SMO: variants seen among roughly 807,000 people sequenced by gnomAD.
The protein encoded by SMO is protein smoothened.
SMO carries 40 observed loss-of-function variants against 81.6 expected under a neutral mutation model. The ratio of observed to expected loss-of-function variants is 0.49; its 90% CI spans 0.38 to 0.64. The LOEUF is 0.64. Ranked by LOEUF, SMO falls within the 30% of genes least tolerant of loss-of-function variation. The pLI, the probability that SMO is intolerant of heterozygous loss-of-function variation, is 0.00. For missense variants in SMO, 916 were observed against 1,061.1 expected, an observed-to-expected ratio of 0.86 and a Z score of 1.90; for synonymous variants, 434 against 432.1, an observed-to-expected ratio of 1.00 and a Z score of -0.05.
chr7:129,205,506 C>G, intron 3 of SMO, 94 bp downstream of exon 3: 1 of 1,524,864 alleles, frequency 6.6e-7, no homozygotes, highest in South Asian at 1.1e-5. Flanking sequence ...TGGTGGGGGT[C>G]CCCAGGGAAG....
intron 1 of SMO, among the ~76,000 whole-genome samples, chr7:129,190,062 T>C (rs1446186636): frequency 6.6e-6 from 1 of 152,188 alleles, no homozygotes; most frequent in African/African-American, 2.4e-5. Flanking sequence ...AGAACTGTGA[T>C]CTTGTCTGGC....
In SMO at chr7:129,205,599, C is replaced by G. The variant is rs1447893846; in HGVS notation, c.748-11C>G. The G allele has an allele frequency of 6.8e-6, 11 of 1,609,738 alleles. No homozygotes were observed. The highest frequency in any genetic ancestry group is 9.4e-6 in the Non-Finnish European group (11 of 1,176,340). The stretch of plus-strand genomic sequence containing the variant: ...CCTAACCTCACAGAATGGCCCACTT[C>G]TCTCTTCTAGGCCACATTCGTGGCT... On this transcript the variant is annotated splice_polypyrimidine_tract_variant and intron_variant, in intron 3 of 11. Transcript: ENST00000249373.
chr7:129,195,978 G>A (rs1793570913), intron 1 of SMO, among the ~76,000 whole-genome samples: 1 of 151,744 alleles, frequency 6.6e-6, no homozygotes, highest in Admixed American at 6.6e-5. Flanking sequence ...GTGGGCGCCT[G>A]TAGTCCCAGC....
Position 129,211,311 on chromosome 7 carries a change from C to A in SMO, c.1801+198C>A. On this transcript the variant is annotated intron_variant, in intron 10 of 11. Coordinates refer to ENST00000249373, the MANE Select transcript of SMO (RefSeq NM_005631.5). The surrounding 1 kb of genome is among the most constrained non-coding windows in gnomAD (Gnocchi z 4.6). ...GGGGCTCTCCCCTCTCTGTTTCTGC[C>A]CCTGGGTCTGCTTGCCGGTGCTTGG... The A allele has an allele frequency of 1.4e-6, 1 of 739,938 alleles. No individual in the cohort carries two copies. Among genetic ancestry groups the A allele is most frequent in the Non-Finnish European group, 2.4e-6 (1 of 420,486 alleles). 45.8% of individuals were successfully genotyped at this position (739,938 alleles called of 1,614,324 possible).
intron 1 of SMO, among the ~76,000 whole-genome samples, chr7:129,194,583 C>T (rs1434558491): frequency 1.3e-5 from 2 of 152,114 alleles, no homozygotes; most frequent in African/African-American, 4.8e-5. Context: ...TAATCACATC[C>T]TTTTTTTCTC....
rs2150656346 is a variant in SMO at position 129,212,062 on chromosome 7, G to T, written c.1975G>T (p.Ala659Ser). 6.3e-7 allele frequency: 1 copy of T among 1,588,728 alleles called. No homozygotes were observed. Among genetic ancestry groups the T allele is most frequent in the Admixed American group, 1.7e-5 (1 of 58,460 alleles). ...ACAAGCCAACCTGTGGCTGGTTGAG[G>T]CAGAGATCTCCCCAGAGCTGCAGAA... ...EEQANLWLVE[A>S]EISPELQKRL... Residue 659 changes from alanine to serine, a missense_variant, in exon 12 of 12, where the codon GCA becomes TCA. Transcript: ENST00000249373. This position sits in a 1 kb window ranked among gnomAD's most constrained non-coding sequence, Gnocchi z 5.0.
chr7:129,202,371 G>C (rs902734758), intron 1 of SMO, among the ~76,000 whole-genome samples: 3 of 152,094 alleles, frequency 2.0e-5, no homozygotes, highest in African/African-American at 7.2e-5. Flanking sequence ...GCCTTCCCCC[G>C]AAAAGAGTGG....
rs1563150856 is a variant in SMO at position 129,208,979 on chromosome 7, G to GGT, written c.1357+135_1357+136dup. On this transcript the variant is annotated intron_variant, in intron 7 of 11. Transcript: ENST00000249373. The surrounding 1 kb of genome is among the most constrained non-coding windows in gnomAD (Gnocchi z 5.2). The stretch of plus-strand genomic sequence containing the variant: ...GTTAGCCATAGGGACAAGGACAAGG[G>GGT]GTGTGTGTAGGTGGTAGTGGTAGTG... 3 of 673,428 alleles carry GGT rather than the reference G, an allele frequency of 4.5e-6. No homozygotes were observed. The highest frequency in any genetic ancestry group is 1.8e-5 in the African/African-American group (1 of 56,598). The allele number at this position is 673,428 out of a possible 1,614,324, so 41.7% of individuals were successfully genotyped here.
chr7:129,189,959 T>C lies in SMO; in HGVS notation c.331+477T>C, dbSNP rs1793458729. Among the ~76,000 whole-genome samples, 1 of 151,954 alleles carries C rather than the reference T, an allele frequency of 6.6e-6. No homozygotes were observed. The highest frequency in any genetic ancestry group is 6.6e-5 in the Admixed American group (1 of 15,248). On this transcript the variant is annotated intron_variant, in intron 1 of 11. Coordinates refer to ENST00000249373, the MANE Select transcript of SMO (RefSeq NM_005631.5). This position sits in a 1 kb window ranked among gnomAD's most constrained non-coding sequence, Gnocchi z 4.7. ...TAGGGGGACATGATCGAGTGAAGTT[T>C]TGAAGGAAAAGAAACCTCCCTAGTG... is the stretch of plus-strand genomic sequence containing the variant.
chr7:129,203,320 T>A (rs2150646328), intron 1 of SMO, 64 bp from the exon 2 acceptor site: 1 of 1,262,398 alleles, frequency 7.9e-7, no homozygotes, highest in South Asian at 1.4e-5. Flanking sequence ...AGGACAGGGG[T>A]GAAGCTGCGT....
chr7:129,188,967 G>T lies in SMO; in HGVS notation c.-185G>T. The T allele has an allele frequency of 2.5e-6, 1 of 405,636 alleles. No homozygotes were observed. The highest frequency in any genetic ancestry group is 4.1e-6 in the Non-Finnish European group (1 of 243,574). 25.1% of individuals were successfully genotyped at this position (405,636 alleles called of 1,614,324 possible). A position where few individuals can be genotyped will look rare whatever the true frequency, so the allele number is the denominator to read the frequency against. On this transcript the variant is annotated 5_prime_UTR_variant, in exon 1 of 12. Coordinates refer to ENST00000249373, the MANE Select transcript of SMO (RefSeq NM_005631.5). The surrounding 1 kb of genome is among the most constrained non-coding windows in gnomAD (Gnocchi z 4.9). ...CCCAACATGGGCCCCGGGTTCCAAA[G>T]TTTGCGAAGTTGGGCGCCGAGGGGC... is the stretch of plus-strand genomic sequence containing the variant.
rs1162797184 is a variant in SMO at position 129,209,269 on chromosome 7, C to T, written c.1358-20C>T. 6.7e-7 allele frequency: 1 copy of T among 1,481,944 alleles called. No homozygotes were observed. The highest frequency in any genetic ancestry group is 9.4e-7 in the Non-Finnish European group (1 of 1,059,556). The allele number at this position is 1,481,944 out of a possible 1,614,324, so 91.8% of individuals were successfully genotyped here. A position where few individuals can be genotyped will look rare whatever the true frequency, so the allele number is the denominator to read the frequency against. Reference sequence around the variant, plus strand: ...GGGACTGGGCTTGGTAACGTCCTGTCCTGCCCCTGTCCTCCACAGGCATTT... The same window carrying T: ...GGGACTGGGCTTGGTAACGTCCTGTTCTGCCCCTGTCCTCCACAGGCATTT... On this transcript the variant is annotated intron_variant, in intron 7 of 11. Coordinates refer to ENST00000249373, the MANE Select transcript of SMO (RefSeq NM_005631.5).
At position 129,189,585 on chromosome 7, in the gene SMO, G is replaced by C; in HGVS notation, c.331+103G>C. 7.8e-7 allele frequency: 1 copy of C among 1,288,720 alleles called. No homozygotes were observed. The highest frequency in any genetic ancestry group is 2.7e-5 in the East Asian group (1 of 37,282). 79.8% of individuals were successfully genotyped at this position (1,288,720 alleles called of 1,614,324 possible). ...AGGCCTGAGTTTTGGAGAGGGCGGG[G>C]ACAGCACCCGGGAGAGTTGGAGGGA... is the stretch of plus-strand genomic sequence containing the variant. On this transcript the variant is annotated intron_variant, in intron 1 of 11. Coordinates refer to ENST00000249373, the MANE Select transcript of SMO (RefSeq NM_005631.5). This position sits in a 1 kb window ranked among gnomAD's most constrained non-coding sequence, Gnocchi z 4.7.
At position 129,205,376 on chromosome 7, in the gene SMO, C is replaced by A. The variant is rs146006039; in HGVS notation, c.711C>A (p.Phe237Leu). ...ACATGCACAGCTACATCGCGGCCTT[C>A]GGGGCCGTCACGGGCCTCTGCACGC... is the stretch of plus-strand genomic sequence containing the variant. ...HQDMHSYIAA[F>L]GAVTGLCTLF... Residue 237 changes from phenylalanine (F) to leucine (L), a missense_variant, in exon 3 of 12, where the codon TTC (phenylalanine) becomes TTA (leucine). Physicochemically the swap from Phe to Leu is conservative, Grantham distance 22 (BLOSUM62 0). Transcript: ENST00000249373. 1 of 1,612,436 alleles carries A rather than the reference C, an allele frequency of 6.2e-7. No individual in the cohort carries two copies. Among genetic ancestry groups the A allele is most frequent in the African/African-American group, 1.3e-5 (1 of 75,004 alleles).
rs1272246686 is a variant in SMO at position 129,189,659 on chromosome 7, G to A, written c.331+177G>A. 6.6e-6 allele frequency among the ~76,000 whole-genome samples: 1 copy of A among 152,202 alleles called. No homozygotes were observed. The highest frequency in any genetic ancestry group is 1.5e-5 in the Non-Finnish European group (1 of 68,034). ...GGTTACGTGCAGGATGGGACCCTCG[G>A]TCATGGGAAAAGGAGGGCAAGGAAG... On this transcript the variant is annotated intron_variant, in intron 1 of 11. Coordinates refer to ENST00000249373, the MANE Select transcript of SMO (RefSeq NM_005631.5). The surrounding 1 kb of genome is among the most constrained non-coding windows in gnomAD (Gnocchi z 4.7).
intron 7 of SMO, 111 bp from the exon 8 acceptor site, chr7:129,209,178 C>G: frequency 1.4e-6 from 1 of 690,506 alleles, no homozygotes; most frequent in Non-Finnish European, 2.6e-6. Context: ...ATGAGTTCAC[C>G]CCAGCCCCAG....
chr7:129,188,982 C>T lies in SMO; in HGVS notation c.-170C>T. On this transcript the variant is annotated 5_prime_UTR_variant, in exon 1 of 12. Transcript: ENST00000249373. This position sits in a 1 kb window ranked among gnomAD's most constrained non-coding sequence, Gnocchi z 4.9. ...GGGTTCCAAAGTTTGCGAAGTTGGG[C>T]GCCGAGGGGCCGGGGCGCGCGGAGC... 1 of 465,748 alleles carries T rather than the reference C, an allele frequency of 2.1e-6. No individual in the cohort carries two copies. Among genetic ancestry groups the T allele is most frequent in the South Asian group, 1.1e-4 (1 of 8,890 alleles). The allele number at this position is 465,748 out of a possible 1,614,324, so 28.9% of individuals were successfully genotyped here. A position where few individuals can be genotyped will look rare whatever the true frequency, so the allele number is the denominator to read the frequency against.
At chr7:129,201,551 A>G (rs764072561) in intron 1 of SMO, among the ~76,000 whole-genome samples, 14 of 152,064 alleles carry the variant, frequency 9.2e-5, no homozygotes, top group Non-Finnish European at 1.6e-4. Context: ...TTTAACCCCC[A>G]TATATTCTCT....
intron 1 of SMO, among the ~76,000 whole-genome samples, chr7:129,193,534 G>A (rs540345613): frequency 1.1e-4 from 16 of 151,386 alleles, no homozygotes; most frequent in East Asian, 3.9e-4. Context: ...CGAGGTGGGC[G>A]GATCACGAGG....
Sources: gnomAD v4.1 joint callset for allele counts (sites outside exome capture counted in the v4.1 genomes callset) on GRCh38, gnomAD v4.1.1 for gene constraint, Gnocchi (gnomAD v3.1) non-coding constraint, MANE v1.5 for transcripts, NCBI Gene and HGNC (gene_info 2026-07-23, HGNC 2026-07-21) for gene names.